Variants in NINJ1 observed in about 807,000 individuals in gnomAD.
The protein encoded by NINJ1 is ninjurin 1.
A neutral mutation model predicts 12.7 loss-of-function variants in NINJ1; 6 were observed. The ratio of observed to expected loss-of-function variants is 0.47; its 90% CI spans 0.26 to 0.93. The LOEUF (loss-of-function observed/expected upper bound fraction) is 0.93, where lower values mean the gene tolerates loss of function less well. Among genes scored for constraint, NINJ1 ranks in the 40% least tolerant of loss-of-function variants. NINJ1 has a pLI of 0.15. For synonymous variants in NINJ1, 100 were observed against 96.0 expected (o/e 1.04, Z -0.25); for missense variants, 170 against 213.0 (o/e 0.80, Z 1.26).
intron 2 of NINJ1, 31 bp from the exon 3 acceptor site, chr9:93,125,093 A>G: frequency 6.3e-7 from 1 of 1,589,102 alleles, no homozygotes; most frequent in South Asian, 1.1e-5. Flanking sequence ...GATGGTGCCA[A>G]GGGCAGCCCA....
intron 3 of NINJ1, among the ~76,000 whole-genome samples, chr9:93,124,148 T>C (rs1366693147): frequency 6.6e-6 from 1 of 152,212 alleles, no homozygotes; most frequent in East Asian, 1.9e-4. Flanking sequence ...GAGGTGGGCA[T>C]GTCAGGCAGG....
intron 3 of NINJ1, among the ~76,000 whole-genome samples, chr9:93,123,918 A>G (rs1392864226): frequency 6.6e-6 from 1 of 152,236 alleles, no homozygotes; most frequent in Non-Finnish European, 1.5e-5. Flanking sequence ...CTGAGCAAGG[A>G]CACAGGGAGA....
At chr9:93,128,181 C>G (rs911241374) in intron 1 of NINJ1, among the ~76,000 whole-genome samples, 2 of 152,168 alleles carry the variant, frequency 1.3e-5, no homozygotes, top group Admixed American at 6.5e-5. Flanking sequence ...GGCCACCCAG[C>G]AGCGCTGTCC....
At chr9:93,133,064 A>C (rs1224704648) in intron 1 of NINJ1, among the ~76,000 whole-genome samples, 8 of 152,160 alleles carry the variant, frequency 5.3e-5, no homozygotes, top group Admixed American at 5.2e-4. Context: ...ATTGCTCCAA[A>C]GTGCTCACAC....
At position 93,134,159 on chromosome 9, in the gene NINJ1, C is replaced by T; in HGVS notation, c.59G>A (p.Gly20Asp). The change falls in exon 1 of 4, where the codon GGC becomes GAC. Residue 20 changes from glycine to aspartate, a missense_variant. Gly to Asp is a moderately conservative substitution (Grantham distance 94). Transcript: ENST00000375446. Reference sequence around the variant, plus strand: ...AGGTCTTACCGAGGCGTCCGGGGAGCCGGGTGTGCCCGGAGGCAGGCCGCC... The same window carrying T: ...AGGTCTTACCGAGGCGTCCGGGGAGTCGGGTGTGCCCGGAGGCAGGCCGCC... ...LNGGLPPGTPGSPDASPARWG... is the reference protein window; with the variant it reads ...LNGGLPPGTPDSPDASPARWG... 6.4e-7 allele frequency: 1 copy of T among 1,558,226 alleles called. No individual in the cohort carries two copies.
chr9:93,133,801 G>C (rs568784782), intron 1 of NINJ1, among the ~76,000 whole-genome samples: 5 of 152,330 alleles, frequency 3.3e-5, no homozygotes, highest in African/African-American at 9.6e-5. Context: ...GCGAGAGTGG[G>C]GGGGAGGTCG....
intron 1 of NINJ1, among the ~76,000 whole-genome samples, chr9:93,127,395 C>G (rs10992647): frequency 0.018 from 2,745 of 152,286 alleles, 37 homozygotes; most frequent in Non-Finnish European, 0.021. Flanking sequence ...CTGGTCAGGG[C>G]CCCCTGCAGT....
At chr9:93,130,980 A>G (rs1353826740) in intron 1 of NINJ1, among the ~76,000 whole-genome samples, 1 of 152,138 alleles carries the variant, frequency 6.6e-6, no homozygotes, top group African/African-American at 2.4e-5. Flanking sequence ...GCATTGGCAG[A>G]TGGTGGGGCG....
chr9:93,127,798 G>T (rs1237448344), intron 1 of NINJ1, among the ~76,000 whole-genome samples: 2 of 152,214 alleles, frequency 1.3e-5, no homozygotes, highest in Admixed American at 1.3e-4. Flanking sequence ...ACCTCCTGGG[G>T]CCCTCTCTGG....
chr9:93,127,953 G>A (rs1362352640), intron 1 of NINJ1, among the ~76,000 whole-genome samples: 2 of 152,254 alleles, frequency 1.3e-5, no homozygotes, highest in Non-Finnish European at 2.9e-5. Context: ...TACAGAACCA[G>A]CAGAGGGCAG....
intron 2 of NINJ1, 65 bp downstream of exon 2, chr9:93,126,345 A>T (rs953241517): frequency 7.1e-7 from 1 of 1,416,720 alleles, no homozygotes; most frequent in Non-Finnish European, 9.8e-7. Context: ...CACCTGTCCC[A>T]GGCGATGCGA....
chr9:93,126,214 A>G, intron 2 of NINJ1, 196 bp downstream of exon 2: 1 of 556,352 alleles, frequency 1.8e-6, no homozygotes, highest in Non-Finnish European at 3.1e-6. Flanking sequence ...AAAACAAAAC[A>G]AAACAAAAAC....
rs1127857 is a variant in NINJ1 at position 93,121,583 on chromosome 9, G to C, written c.*657C>G. On this transcript the variant is annotated 3_prime_UTR_variant, in exon 4 of 4. Coordinates refer to ENST00000375446, the MANE Select transcript of NINJ1 (RefSeq NM_004148.4). ...ACCCCCGTGGAGGGGGTTGGGCTCT[G>C]CCCGGTCACTGCTGGTGCAGGGTAT... 0.11 allele frequency: 16,015 copies of C among 152,520 alleles called. 1,089 individuals are homozygous for C. The highest frequency in any genetic ancestry group is 0.16 in the Middle Eastern group (47 of 298). The allele number at this position is 152,520 out of a possible 1,614,324, so 9.4% of individuals were successfully genotyped here.
chr9:93,134,030 G>A, intron 1 of NINJ1, 113 bp downstream of exon 1: 1 of 736,258 alleles, frequency 1.4e-6, no homozygotes. Flanking sequence ...AGAGCGGGAC[G>A]TCCCCCAACA....
At chr9:93,133,842 G>A (rs994906212) in intron 1 of NINJ1, among the ~76,000 whole-genome samples, 1 of 152,170 alleles carries the variant, frequency 6.6e-6, no homozygotes, top group Non-Finnish European at 1.5e-5. Flanking sequence ...TCCTTAGCCC[G>A]AGGAGCTGCG....
At chr9:93,132,690 G>C (rs1270203081) in intron 1 of NINJ1, among the ~76,000 whole-genome samples, 1 of 152,222 alleles carries the variant, frequency 6.6e-6, no homozygotes, top group Non-Finnish European at 1.5e-5. Context: ...GCGGGGCTGT[G>C]TCTCTCTCCC....
rs1305952727 is a variant in NINJ1, at chr9:93,128,308, C to A, written c.76-1670G>T. On this transcript the variant is annotated intron_variant, in intron 1 of 3. Transcript: ENST00000375446. ...CTGCACTCCCTGGGATTCCCCCAGG[C>A]CCCAGCACAGCCAGGGCACTCACCA... Among the ~76,000 whole-genome samples, 5 of 152,212 alleles carry A rather than the reference C, an allele frequency of 3.3e-5. No individual in the cohort carries two copies. The East Asian group carries it at 9.6e-4, about 29-fold the overall frequency.
intron 1 of NINJ1, among the ~76,000 whole-genome samples, chr9:93,126,924 C>T (rs1221931001): frequency 6.6e-6 from 1 of 152,170 alleles, no homozygotes; most frequent in African/African-American, 2.4e-5. Flanking sequence ...GCCCGATCCT[C>T]CCACTCCTGC....
rs549036116 is a variant in NINJ1 at position 93,129,413 on chromosome 9, C to T, written c.76-2775G>A. ...ATGCCCCAGGATGGCCTCTGAGCCC[C>T]GAGTGGCCAGCAAATGCCCTGACCA... On this transcript the variant is annotated intron_variant, in intron 1 of 3. Coordinates refer to ENST00000375446, the MANE Select transcript of NINJ1 (RefSeq NM_004148.4). Among the ~76,000 whole-genome samples, 6 of 152,322 alleles carry T rather than the reference C, an allele frequency of 3.9e-5. No individual in the cohort carries two copies. The South Asian group carries it at 8.3e-4, about 21-fold the overall frequency.
Sources: allele counts gnomAD v4.1 joint callset (sites outside exome capture counted in the v4.1 genomes callset), GRCh38; gene constraint gnomAD v4.1.1; transcripts MANE v1.5; gene names NCBI Gene and HGNC (gene_info 2026-07-23, HGNC 2026-07-21).